The following METTL15 variants were observed in gnomAD, a reference collection of about 807,000 sequenced individuals.
METTL15 encodes the protein methyltransferase 15, mitochondrial 12S rRNA N4-cytidine, also known as 12S rRNA N(4)-cytidine methyltransferase METTL15.
In METTL15, 34 loss-of-function variants were observed where a neutral mutation model predicts 38.3. The observed-to-expected ratio is 0.89, with a 90% CI of 0.68 to 1.18. METTL15 has a LOEUF of 1.18. Ranked by LOEUF, METTL15 falls within the 50% of genes most tolerant of loss-of-function variation. METTL15 has a pLI of 0.00. For synonymous variants in METTL15, 162 were observed against 170.9 expected (o/e 0.95, Z 0.41); for missense variants, 438 against 498.4 (o/e 0.88, Z 1.15).
At chr11:28,151,956 T>C (rs761506574) in intron 3 of METTL15, among the ~76,000 whole-genome samples, 1 of 152,080 alleles carries the variant, frequency 6.6e-6, no homozygotes, top group Non-Finnish European at 1.5e-5. Flanking sequence ...CAGATTTCAA[T>C]AATCAAATAT....
intron 3 of METTL15, among the ~76,000 whole-genome samples, chr11:28,141,013 G>A (rs928523745): frequency 2.0e-5 from 3 of 152,154 alleles, no homozygotes; most frequent in East Asian, 1.9e-4. Context: ...CTTCTTGCCC[G>A]ATGCCCAGAA....
At chr11:28,197,601 C>T (rs993494640) in intron 3 of METTL15, 2 of 360,372 alleles carry the variant, frequency 5.5e-6, no homozygotes, top group Non-Finnish European at 1.2e-5. Context: ...ATGGCCTTTT[C>T]TACGTCTGAA....
At chr11:28,207,350 G>A (rs1005963910) in intron 3 of METTL15, among the ~76,000 whole-genome samples, 1 of 152,068 alleles carries the variant, frequency 6.6e-6, no homozygotes, top group African/African-American at 2.4e-5. Flanking sequence ...GGCCTTTTCT[G>A]CATGTATTGA....
At chr11:28,295,811 C>A (rs1300084368) in intron 5 of METTL15, among the ~76,000 whole-genome samples, 1 of 152,022 alleles carries the variant, frequency 6.6e-6, no homozygotes, top group Non-Finnish European at 1.5e-5. Flanking sequence ...TCTGGTTGGA[C>A]CCTCAGTTCT....
At chr11:28,440,598 T>C (rs1205840477) in intron 6 of METTL15, among the ~76,000 whole-genome samples, 1 of 152,206 alleles carries the variant, frequency 6.6e-6, no homozygotes, top group Admixed American at 6.5e-5. Flanking sequence ...ATGGGAATAA[T>C]GTTCATAGCA....
chr11:28,450,135 C>G lies in METTL15; in HGVS notation c.*424+25771C>G, dbSNP rs1851108080. On this transcript the variant is annotated intron_variant and NMD_transcript_variant, in intron 6 of 7. Coordinates refer to the METTL15 transcript ENST00000532947. ...ATTTATTTATTCATCTGTCAACCTACTCATCCACCAAACAACTTACCAAGA... is the reference window on the plus strand; with the variant it reads ...ATTTATTTATTCATCTGTCAACCTAGTCATCCACCAAACAACTTACCAAGA... Among the ~76,000 whole-genome samples the G allele has an allele frequency of 2.0e-5, 3 of 152,284 alleles. No homozygotes were observed. The South Asian group carries it at 6.2e-4, about 32-fold the overall frequency.
intron 5 of METTL15, among the ~76,000 whole-genome samples, chr11:28,409,645 T>G (rs1406873822): frequency 2.6e-5 from 4 of 151,820 alleles, no homozygotes; most frequent in African/African-American, 4.8e-5. Context: ...AAGAGGGAAG[T>G]TTATAGCAAT....
At chr11:28,192,845 C>G (rs950391533) in intron 3 of METTL15, among the ~76,000 whole-genome samples, 3 of 152,062 alleles carry the variant, frequency 2.0e-5, no homozygotes, top group Admixed American at 2.0e-4. Flanking sequence ...TGAGAAATCC[C>G]AGATTAGCTG....
At chr11:28,337,937 C>T (rs1849916379), downstream of METTL15, among the ~76,000 whole-genome samples, 1 of 152,120 alleles carries the variant, frequency 6.6e-6, no homozygotes, top group Non-Finnish European at 1.5e-5. Context: ...TTTCCTTTTA[C>T]AGACCCAGAA....
chr11:28,466,075 G>A (rs754614366), intron 6 of METTL15, among the ~76,000 whole-genome samples: 1 of 152,126 alleles, frequency 6.6e-6, no homozygotes, highest in Non-Finnish European at 1.5e-5. Flanking sequence ...GAAGTCGGGG[G>A]GATCTTAAGG....
At chr11:28,464,357 A>T (rs760043373) in intron 6 of METTL15, among the ~76,000 whole-genome samples, 1 of 152,222 alleles carries the variant, frequency 6.6e-6, no homozygotes, top group Non-Finnish European at 1.5e-5. Context: ...TGTGGGCCAT[A>T]CAGTCTCTGT....
intron 3 of METTL15, among the ~76,000 whole-genome samples, chr11:28,198,119 C>A (rs1851976893): frequency 6.6e-6 from 1 of 152,002 alleles, no homozygotes; most frequent in South Asian, 2.1e-4. Flanking sequence ...ATGTGAATTT[C>A]TTGATAATGT....
chr11:28,342,886 A>G (rs1849965479), intron 3 of METTL15, among the ~76,000 whole-genome samples: 1 of 152,200 alleles, frequency 6.6e-6, no homozygotes, highest in African/African-American at 2.4e-5. Context: ...TAGCCCTACT[A>G]ACCAACATTT....
intron 5 of METTL15, among the ~76,000 whole-genome samples, chr11:28,378,313 G>A (rs758762343): frequency 6.6e-6 from 1 of 152,204 alleles, no homozygotes; most frequent in African/African-American, 2.4e-5. Context: ...GCGATACTCC[G>A]TGGGGTAGGA....
chr11:28,294,736 A>G (rs1471292393), intron 5 of METTL15, among the ~76,000 whole-genome samples: 1 of 152,118 alleles, frequency 6.6e-6, no homozygotes, highest in African/African-American at 2.4e-5. Context: ...CCTATTCTGA[A>G]GCTGTCTAGC....
At chr11:28,438,285 A>G (rs1248423593) in intron 6 of METTL15, among the ~76,000 whole-genome samples, 1 of 152,184 alleles carries the variant, frequency 6.6e-6, no homozygotes, top group Non-Finnish European at 1.5e-5. Context: ...AAAGTGAACT[A>G]TTTCAGAGTT....
chr11:28,236,901 C>G (rs1041143291), intron 4 of METTL15, among the ~76,000 whole-genome samples: 2 of 152,120 alleles, frequency 1.3e-5, no homozygotes, highest in Non-Finnish European at 2.9e-5. Context: ...GTTGAAAATT[C>G]TTTTCTTTAA....
chr11:28,223,221 T>G (rs1271215691), intron 4 of METTL15, among the ~76,000 whole-genome samples: 1 of 152,012 alleles, frequency 6.6e-6, no homozygotes, highest in African/African-American at 2.4e-5. Context: ...GGATTAACAA[T>G]GGAGGGAGGT....
chr11:28,309,090 T>G (rs1857183875), intron 6 of METTL15, among the ~76,000 whole-genome samples: 1 of 152,178 alleles, frequency 6.6e-6, no homozygotes. Context: ...GCCTGCTCTG[T>G]ATGTCTGCCG....
Sources: allele counts gnomAD v4.1 joint callset (sites outside exome capture counted in the v4.1 genomes callset), GRCh38; gene constraint gnomAD v4.1.1; transcripts MANE v1.5; gene names NCBI Gene and HGNC (gene_info 2026-07-23, HGNC 2026-07-21).